Variants in MAP7D1 observed in about 807,000 individuals in gnomAD.
MAP7D1 encodes the protein MAP7 domain-containing protein 1.
MAP7D1 carries 30 observed loss-of-function variants against 97.5 expected under a neutral mutation model. The ratio of observed to expected loss-of-function variants is 0.31; its 90% CI spans 0.23 to 0.42. The LOEUF (loss-of-function observed/expected upper bound fraction) is 0.42. Among genes scored for constraint, MAP7D1 ranks in the 10% least tolerant of loss-of-function variants. The pLI is 1.00. For missense variants in MAP7D1, 1,184 were observed against 1,179.5 expected (o/e 1.00, Z -0.06); for synonymous variants, 536 against 477.1 (o/e 1.12, Z -1.61).
chr1:36,168,670 GC>G (rs2124220937), intron 1 of MAP7D1, among the ~76,000 whole-genome samples: 1 of 152,262 alleles, frequency 6.6e-6, no homozygotes, highest in Non-Finnish European at 1.5e-5. Context: ...TGGGGCTCTT[GC>G]CTGGATCCTA....
chr1:36,164,307 T>C (rs1271671284), intron 1 of MAP7D1, among the ~76,000 whole-genome samples: 2 of 152,150 alleles, frequency 1.3e-5, no homozygotes, highest in Non-Finnish European at 2.9e-5. Flanking sequence ...CCAGCTCTTG[T>C]GGGGCTCCCT....
At chr1:36,170,937 C>G (rs1443920840) in intron 1 of MAP7D1, 34 bp from the exon 2 acceptor site, 1 of 833,680 alleles carries the variant, frequency 1.2e-6, no homozygotes, top group African/African-American at 1.7e-5. Context: ...GATGAGCAAT[C>G]TGACCTCTCT....
At position 36,159,603 on chromosome 1, in the gene MAP7D1, A is replaced by G. The variant is rs1644381311; in HGVS notation, c.46+3140A>G. On this transcript the variant is annotated intron_variant, in intron 1 of 16. Coordinates refer to ENST00000474796, the MANE Select transcript of MAP7D1 (RefSeq NM_001388490.1). The surrounding 1 kb of genome is among the most constrained non-coding windows in gnomAD (Gnocchi z 5.4). The stretch of plus-strand genomic sequence containing the variant: ...CACACCCATGCTGATGCCCCACCTT[A>G]TGCCAGCTCGGTGTAGTCTATGTGG... 6.6e-6 allele frequency among the ~76,000 whole-genome samples: 1 copy of G among 152,204 alleles called. No individual in the cohort carries two copies. Among genetic ancestry groups the G allele is most frequent in the Non-Finnish European group, 1.5e-5 (1 of 68,030 alleles).
At position 36,178,653 on chromosome 1, in the gene MAP7D1, G is replaced by A. The variant is rs553493662; in HGVS notation, c.1887-32G>A. 320 of 1,534,328 alleles carry A rather than the reference G, an allele frequency of 2.1e-4. 6 individuals carry two copies. In the South Asian group the frequency reaches 3.7e-3, roughly 18 times the overall value. On this transcript the variant is annotated intron_variant, in intron 10 of 16. Transcript: ENST00000474796. ...CGTGGGCGCTGGAGAAGAAGCAGAG[G>A]CCGAGCCTGAGCCGTTTGCTCCGTC...
Position 36,177,911 on chromosome 1 carries a change from C to G in MAP7D1, c.1418C>G (p.Ser473Cys). 6.4e-7 allele frequency: 1 copy of G among 1,555,348 alleles called. No individual in the cohort carries two copies. Among genetic ancestry groups the G allele is most frequent in the Non-Finnish European group, 8.7e-7 (1 of 1,150,226 alleles). The change falls in exon 9 of 17, where the codon TCC (serine) becomes TGC (cysteine). Residue 473 changes from serine to cysteine, a missense_variant. Physicochemically the swap from Ser to Cys is moderately radical, Grantham distance 112 (BLOSUM62 -1). Coordinates refer to ENST00000474796, the MANE Select transcript of MAP7D1 (RefSeq NM_001388490.1). Reference sequence around the variant, plus strand: ...GCCAGGCCATCCTCTCCCTCCACATCCTGGCACAGGCCTGCCTCCCCCTGC... The same window carrying G: ...GCCAGGCCATCCTCTCCCTCCACATGCTGGCACAGGCCTGCCTCCCCCTGC... ...SKARPSSPST[S>C]WHRPASPCPS...
At position 36,179,691 on chromosome 1, in the gene MAP7D1, G is replaced by A; in HGVS notation, c.2253G>A (p.Arg751=). 1 of 1,523,834 alleles carries A rather than the reference G, an allele frequency of 6.6e-7. No homozygotes were observed. The highest frequency in any genetic ancestry group is 8.8e-7 in the Non-Finnish European group (1 of 1,134,620). The allele number at this position is 1,523,834 out of a possible 1,614,324, so 94.4% of individuals were successfully genotyped here. ...AGCCTGTGAAAGCTGTGGAGGCTCG[G>A]TCCCCAGGGCTGCAGAAGGAGGCTG... is the stretch of plus-strand genomic sequence containing the variant. ...SPEPVKAVEA[R]SPGLQKEAVQ... Residue 751 remains arginine, a synonymous_variant, in exon 15 of 17, where the codon CGG becomes CGA. Transcript: ENST00000474796.
At chr1:36,179,090 C>T (rs902987430) in intron 12 of MAP7D1, 65 bp downstream of exon 12, 27 of 1,521,226 alleles carry the variant, frequency 1.8e-5, no homozygotes, top group Non-Finnish European at 2.3e-5. Flanking sequence ...TGGGCGGGGC[C>T]TGGGCTTAGA....
chr1:36,156,198 G>A lies in MAP7D1; in HGVS notation c.-220G>A, dbSNP rs1644324852. 4.7e-6 allele frequency: 2 copies of A among 425,550 alleles called. No homozygotes were observed. Among genetic ancestry groups the A allele is most frequent in the Non-Finnish European group, 8.2e-6 (2 of 243,708 alleles). 26.4% of individuals were successfully genotyped at this position (425,550 alleles called of 1,614,324 possible). ...CGGGACTGGGCCGGCGCCGGGCGGGGAACGGGTTCGCGACCGCAGCCGAGA... is the reference window on the plus strand; with the variant it reads ...CGGGACTGGGCCGGCGCCGGGCGGGAAACGGGTTCGCGACCGCAGCCGAGA... On this transcript the variant is annotated 5_prime_UTR_variant, in exon 1 of 17. Transcript: ENST00000474796.
At chr1:36,173,693 G>A (rs924395997) in intron 5 of MAP7D1, among the ~76,000 whole-genome samples, 5 of 152,200 alleles carry the variant, frequency 3.3e-5, no homozygotes, top group African/African-American at 4.8e-5. Context: ...CATTTGGTTT[G>A]CTCTTCAAAC....
chr1:36,164,844 A>C (rs1158048174), intron 1 of MAP7D1, among the ~76,000 whole-genome samples: 1 of 152,240 alleles, frequency 6.6e-6, no homozygotes, highest in African/African-American at 2.4e-5. Context: ...GTAGTCATCC[A>C]GGTGAGAGCG....
chr1:36,176,427 T>C lies in MAP7D1; in HGVS notation c.1079T>C (p.Val360Ala). ...DRTHPSAAVP[V>A]CPRSASASPL... is the part of the protein sequence containing the mutation. ...ACTCATCCCTCTGCAGCCGTGCCGG[T>C]GTGCCCGCGCTCGGCCTCCGCCAGC... The change falls in exon 7 of 17, where the codon GTG becomes GCG. Residue 360 changes from valine (V) to alanine (A), a missense_variant. By Grantham distance (64) the Val-to-Ala change is moderately conservative. Transcript: ENST00000474796. The surrounding 1 kb of genome is among the most constrained non-coding windows in gnomAD (Gnocchi z 6.1). The C allele has an allele frequency of 1.3e-6, 2 of 1,528,444 alleles. No homozygotes were observed. Among genetic ancestry groups the C allele is most frequent in the Non-Finnish European group, 1.7e-6 (2 of 1,146,758 alleles). The allele number at this position is 1,528,444 out of a possible 1,614,324, so 94.7% of individuals were successfully genotyped here.
chr1:36,164,932 T>C (rs1192011372), intron 1 of MAP7D1, among the ~76,000 whole-genome samples: 1 of 152,224 alleles, frequency 6.6e-6, no homozygotes, highest in Admixed American at 6.5e-5. Context: ...AGCACCTATG[T>C]GCCAGGCTCT....
intron 1 of MAP7D1, among the ~76,000 whole-genome samples, chr1:36,158,018 T>C (rs368663803): frequency 7.2e-5 from 11 of 151,924 alleles, no homozygotes; most frequent in African/African-American, 2.7e-4. Context: ...GTTGGGGGCC[T>C]GAATGGGGGT....
chr1:36,174,541 T>C (rs1239668707), intron 5 of MAP7D1, among the ~76,000 whole-genome samples: 1 of 152,142 alleles, frequency 6.6e-6, no homozygotes, highest in Non-Finnish European at 1.5e-5. Flanking sequence ...TATCCAAACG[T>C]CTTGGCTGGG....
intron 15 of MAP7D1, 35 bp from the exon 16 acceptor site, chr1:36,179,839 G>A: frequency 6.3e-7 from 1 of 1,587,926 alleles, no homozygotes; most frequent in Non-Finnish European, 8.6e-7. Context: ...TTTCCTGGGA[G>A]GTGAGGTGCT....
chr1:36,179,192 G>T lies in MAP7D1; in HGVS notation c.2131-70G>T, dbSNP rs1319654455. The T allele has an allele frequency of 2.5e-6, 4 of 1,575,420 alleles. No individual in the cohort carries two copies. In the East Asian group the frequency reaches 9.0e-5, roughly 35 times the overall value. On this transcript the variant is annotated intron_variant, in intron 12 of 16. Coordinates refer to ENST00000474796, the MANE Select transcript of MAP7D1 (RefSeq NM_001388490.1). ...GGGAGGCCCTAAGACTCCGAGGCCG[G>T]GTCTGGCTGGTGGGAGGTTTAGGAT...
rs573283508 is a variant in MAP7D1 at position 36,165,793 on chromosome 1, C to G, written c.47-5178C>G. The stretch of plus-strand genomic sequence containing the variant: ...TCATCCAGGCTGGAGTGCAGTGGCA[C>G]GATCTTGGCTCACCGCATCCTCTGC... On this transcript the variant is annotated intron_variant, in intron 1 of 16. Transcript: ENST00000474796. Among the ~76,000 whole-genome samples, 42 of 146,886 alleles carry G rather than the reference C, an allele frequency of 2.9e-4. No individual in the cohort carries two copies. In the East Asian group the frequency reaches 8.5e-3, roughly 30 times the overall value.
In MAP7D1 at chr1:36,176,315, G is replaced by A; in HGVS notation, c.967G>A (p.Asp323Asn). The A allele has an allele frequency of 6.4e-7, 1 of 1,555,462 alleles. No homozygotes were observed. The highest frequency in any genetic ancestry group is 1.4e-5 in the African/African-American group (1 of 73,142). Residue 323 changes from aspartate (D) to asparagine (N), a missense_variant, in exon 7 of 17, where the codon GAC becomes AAC. Transcript: ENST00000474796. This position sits in a 1 kb window ranked among gnomAD's most constrained non-coding sequence, Gnocchi z 6.1. ...GGTCACACTGCCCCGCAACGGCCGG[G>A]ACCAGGGTAGGGGCTGCGACCCTGG... ...SAVTLPRNGR[D>N]QGRGCDPGRG...
intron 13 of MAP7D1, 96 bp from the exon 14 acceptor site, chr1:36,179,419 G>A: frequency 6.3e-7 from 1 of 1,575,442 alleles, no homozygotes; most frequent in South Asian, 1.1e-5. Context: ...TGTCAGGGAG[G>A]CCGCTGCGGC....
Sources: allele counts gnomAD v4.1 joint callset (sites outside exome capture counted in the v4.1 genomes callset), GRCh38; gene constraint gnomAD v4.1.1; non-coding constraint Gnocchi (gnomAD v3.1); transcripts MANE v1.5; gene names NCBI Gene and HGNC (gene_info 2026-07-23, HGNC 2026-07-21).